Variants in ACTN2 observed in about 807,000 individuals in gnomAD.
The protein encoded by ACTN2 is actinin alpha 2.
In ACTN2, 39 loss-of-function variants were observed where a neutral mutation model predicts 113.8. The ratio of observed to expected loss-of-function variants is 0.34; its 90% CI spans 0.27 to 0.45. ACTN2 has a LOEUF of 0.45. Among genes scored for constraint, ACTN2 ranks in the 20% least tolerant of loss-of-function variants. The pLI, the probability that ACTN2 is intolerant of heterozygous loss-of-function variation, is 1.00. For missense variants in ACTN2, 992 were observed against 1,177.9 expected (o/e 0.84, Z 2.31); for synonymous variants, 429 against 444.1 (o/e 0.97, Z 0.43).
chr1:236,753,912 G>A (rs772359103), intron 15 of ACTN2, 35 bp from the exon 16 acceptor site: 7 of 1,528,420 alleles, frequency 4.6e-6, no homozygotes, highest in Non-Finnish European at 6.2e-6. Flanking sequence ...GACCACAGCT[G>A]GCCTCTAACC....
At chr1:236,710,907 T>C (rs920570326) in intron 1 of ACTN2, among the ~76,000 whole-genome samples, 12 of 149,354 alleles carry the variant, frequency 8.0e-5, no homozygotes, top group African/African-American at 2.9e-4. Context: ...CCCCCACCCG[T>C]GGAAAAATTG....
chr1:236,743,314 C>T (rs1242156069), intron 11 of ACTN2, among the ~76,000 whole-genome samples: 1 of 152,192 alleles, frequency 6.6e-6, no homozygotes, highest in Non-Finnish European at 1.5e-5. Flanking sequence ...TGGCCTCCTT[C>T]CATGTTTTCT....
At position 236,738,251 on chromosome 1, in the gene ACTN2, C is replaced by T. The variant is rs1461712301; in HGVS notation, c.876+1037C>T. On this transcript the variant is annotated intron_variant, in intron 9 of 20. Transcript: ENST00000366578. ...CTTGAACTCCTGACCTCAGGTGATC[C>T]ACCCGCCTTGGCCTCCCAAAGTGCC... Among the ~76,000 whole-genome samples the T allele has an allele frequency of 2.6e-5, 4 of 152,254 alleles. No homozygotes were observed. The East Asian group carries it at 7.7e-4, about 29-fold the overall frequency.
chr1:236,739,191 ATT>A, intron 9 of ACTN2, 109 bp from the exon 10 acceptor site: 1 of 1,151,250 alleles, frequency 8.7e-7, no homozygotes, highest in South Asian at 1.2e-5. Flanking sequence ...CATCTCAGTG[ATT>A]TTAGGAACAT....
intron 1 of ACTN2, 38 bp downstream of exon 1, chr1:236,686,837 GC>G (rs1190244530): frequency 9.3e-6 from 13 of 1,399,848 alleles, no homozygotes; most frequent in Non-Finnish European, 1.2e-5. Context: ...GCGTGGTGGG[GC>G]CGGGTCCCCC....
Position 236,710,296 on chromosome 1 carries a change from T to A in ACTN2, c.127-7562T>A, listed in dbSNP as rs191607645. Among the ~76,000 whole-genome samples, 32 of 152,310 alleles carry A rather than the reference T, an allele frequency of 2.1e-4. No individual in the cohort carries two copies. In the East Asian group the frequency reaches 6.2e-3, roughly 29 times the overall value. On this transcript the variant is annotated intron_variant, in intron 1 of 20. Coordinates refer to ENST00000366578, the MANE Select transcript of ACTN2 (RefSeq NM_001103.4). ...TAGGCTTCATTAACTTAAAAAGAAA[T>A]CAAATACAAATGCATAGCGATTGAA...
intron 1 of ACTN2, among the ~76,000 whole-genome samples, chr1:236,709,597 G>A (rs2102881205): frequency 6.6e-6 from 1 of 151,928 alleles, no homozygotes; most frequent in African/African-American, 2.4e-5. Flanking sequence ...GGAAGGCTTG[G>A]AATTGACCAA....
rs902909574 is a variant in ACTN2 at position 236,763,288 on chromosome 1, C to T, written c.*669C>T. 2 of 154,938 alleles carry T rather than the reference C, an allele frequency of 1.3e-5. No individual in the cohort carries two copies. The highest frequency in any genetic ancestry group is 1.3e-4 in the Admixed American group (2 of 15,780). The allele number at this position is 154,938 out of a possible 1,614,324, so 9.6% of individuals were successfully genotyped here. On this transcript the variant is annotated 3_prime_UTR_variant, in exon 21 of 21. Transcript: ENST00000366578. ...CTCAGTCAGTGATTTTTTGATGCTT[C>T]TCTTATCCTCCAGAATAGAGACCTA...
rs1205925186 is a variant in ACTN2 at position 236,739,256 on chromosome 1, G to A, written c.877-46G>A. ...CATTTTTTTTTTTTAACTGGGGGAG[G>A]GGGCTTGCTGGTGTCTTCAGCAGTA... On this transcript the variant is annotated intron_variant, in intron 9 of 20. Coordinates refer to ENST00000366578, the MANE Select transcript of ACTN2 (RefSeq NM_001103.4). 1.9e-6 allele frequency: 3 copies of A among 1,584,408 alleles called. No individual in the cohort carries two copies. In the South Asian group the frequency reaches 3.3e-5, roughly 18 times the overall value.
intron 1 of ACTN2, among the ~76,000 whole-genome samples, chr1:236,708,705 T>C (rs1251300537): frequency 2.6e-5 from 4 of 152,214 alleles, no homozygotes; most frequent in Non-Finnish European, 5.9e-5. Flanking sequence ...TTTTGGGCCT[T>C]GCTGGCTGGG....
At chr1:236,737,550 T>C (rs1264879428) in intron 9 of ACTN2, among the ~76,000 whole-genome samples, 1 of 147,960 alleles carries the variant, frequency 6.8e-6, no homozygotes, top group Admixed American at 6.8e-5. Context: ...GGTTACTTGT[T>C]TTTTTTTTTT....
chr1:236,686,745 G>C lies in ACTN2; in HGVS notation c.72G>C (p.Glu24Asp), dbSNP rs1189880689. ...AGGATGAGTACATGATCCAGGAGGAGGAGTGGGACCGCGACCTGCTCCTGG... is the reference window on the plus strand; with the variant it reads ...AGGATGAGTACATGATCCAGGAGGACGAGTGGGACCGCGACCTGCTCCTGG... ...YDEDEYMIQE[E>D]EWDRDLLLDP... Residue 24 changes from glutamate to aspartate, a missense_variant, in exon 1 of 21, where the codon GAG becomes GAC. Glu to Asp is a conservative substitution (Grantham distance 45). This residue lies in a region of ACTN2 where 220 missense variants were observed against 337.5 expected (regional missense o/e 0.65). Coordinates refer to ENST00000366578, the MANE Select transcript of ACTN2 (RefSeq NM_001103.4). 2 of 1,554,916 alleles carry C rather than the reference G, an allele frequency of 1.3e-6. No homozygotes were observed. Among genetic ancestry groups the C allele is most frequent in the Non-Finnish European group, 1.7e-6 (2 of 1,150,068 alleles).
intron 14 of ACTN2, among the ~76,000 whole-genome samples, chr1:236,750,297 C>T (rs994675580): frequency 6.6e-5 from 10 of 152,104 alleles, no homozygotes; most frequent in African/African-American, 2.4e-4. Flanking sequence ...ACCACACCTC[C>T]CTACCAGGAG....
intron 1 of ACTN2, among the ~76,000 whole-genome samples, chr1:236,689,324 T>G (rs200392963): frequency 2.9e-5 from 1 of 34,180 alleles, no homozygotes. Context: ...TATATATATA[T>G]ATATATATAT....
rs577593687 is a variant in ACTN2, at chr1:236,762,741, C to A, written c.*122C>A. On this transcript the variant is annotated 3_prime_UTR_variant, in exon 21 of 21. Transcript: ENST00000366578. ...GAGAGAGAGAGGGGAAAAAAAAAAG[C>A]CTTTCGTAGTTCAGTAATTGCCAGC... The A allele has an allele frequency of 7.7e-7, 1 of 1,291,802 alleles. No homozygotes were observed. Among genetic ancestry groups the A allele is most frequent in the Non-Finnish European group, 1.1e-6 (1 of 924,846 alleles). 80.0% of individuals were successfully genotyped at this position (1,291,802 alleles called of 1,614,324 possible).
chr1:236,763,034 T>G lies in ACTN2; in HGVS notation c.*415T>G. On this transcript the variant is annotated 3_prime_UTR_variant, in exon 21 of 21. Transcript: ENST00000366578. ...ATAAAGGTTTGCTATTTGTAAAAAA[T>G]TTCATTTATCTCTAATATGCTTATG... 1 of 313,600 alleles carries G rather than the reference T, an allele frequency of 3.2e-6. No individual in the cohort carries two copies. Among genetic ancestry groups the G allele is most frequent in the Non-Finnish European group, 6.2e-6 (1 of 161,726 alleles). The allele number at this position is 313,600 out of a possible 1,614,324, so 19.4% of individuals were successfully genotyped here.
Position 236,763,015 on chromosome 1 carries a change from G to T in ACTN2, c.*396G>T, listed in dbSNP as rs181994486. The T allele has an allele frequency of 6.4e-6, 2 of 311,210 alleles. No homozygotes were observed. Among genetic ancestry groups the T allele is most frequent in the African/African-American group, 2.2e-5 (1 of 45,672 alleles). The allele number at this position is 311,210 out of a possible 1,614,324, so 19.3% of individuals were successfully genotyped here. On this transcript the variant is annotated 3_prime_UTR_variant, in exon 21 of 21. Coordinates refer to ENST00000366578, the MANE Select transcript of ACTN2 (RefSeq NM_001103.4). The stretch of plus-strand genomic sequence containing the variant: ...AAAAACCACAAATTGGTAAATAAAG[G>T]TTTGCTATTTGTAAAAAATTTCATT...
intron 1 of ACTN2, among the ~76,000 whole-genome samples, chr1:236,699,835 G>GA (rs1657622499): frequency 6.6e-6 from 1 of 152,128 alleles, no homozygotes; most frequent in Non-Finnish European, 1.5e-5. Flanking sequence ...GTAGGCCAAG[G>GA]AAAAACCAAG....
intron 9 of ACTN2, among the ~76,000 whole-genome samples, chr1:236,738,169 C>T (rs1658948981): frequency 1.3e-5 from 2 of 152,182 alleles, no homozygotes; most frequent in African/African-American, 4.8e-5. Flanking sequence ...ACCACCACAC[C>T]CAGCTAATTT....
Sources: allele counts gnomAD v4.1 joint callset (sites outside exome capture counted in the v4.1 genomes callset), GRCh38; gene constraint gnomAD v4.1.1; regional missense constraint gnomAD v4.1.1; transcripts MANE v1.5; gene names NCBI Gene and HGNC (gene_info 2026-07-23, HGNC 2026-07-21).